The following SNRPG variants were observed in gnomAD, a reference collection of about 807,000 sequenced individuals.
The protein encoded by SNRPG is small nuclear ribonucleoprotein G.
In SNRPG, 3 loss-of-function variants were observed where a neutral mutation model predicts 13.9. The observed-to-expected ratio is 0.22, with a 90% confidence interval of 0.10 to 0.56. The LOEUF (loss-of-function observed/expected upper bound fraction) is 0.56, where lower values mean the gene tolerates loss of function less well. SNRPG is among the 20% of genes least tolerant of loss of function. The probability of loss-of-function intolerance (pLI) is 0.93; values close to 1 mark genes in which losing one functional copy is unlikely to be tolerated. For synonymous variants in SNRPG, 29 were observed against 29.3 expected, an observed-to-expected ratio of 0.99 and a Z score of 0.03; for missense variants, 34 against 96.1, an observed-to-expected ratio of 0.35 and a Z score of 2.70.
chr2:70,291,933 T>C (rs971580390), intron 1 of SNRPG, among the ~76,000 whole-genome samples: 4 of 151,282 alleles, frequency 2.6e-5, no homozygotes, highest in South Asian at 2.1e-4. Context: ...TCACAATAAT[T>C]TCTGAGTAAC....
In SNRPG at chr2:70,292,913, G is replaced by GTCC. The variant is rs1301259745; in HGVS notation, c.32+702_32+704dup. On this transcript the variant is annotated intron_variant, in intron 1 of 3. Transcript: ENST00000272348. ...TGAGGAATTCAAAGCTTTACGTTGA[G>GTCC]TCCTACCTAAAGTAAGGCTCTCCTA... 9.0e-6 allele frequency: 5 copies of GTCC among 553,654 alleles called. No individual in the cohort carries two copies. The East Asian group carries it at 1.2e-4, about 13-fold the overall frequency. 34.3% of individuals were successfully genotyped at this position (553,654 alleles called of 1,614,324 possible). A position where few individuals can be genotyped will look rare whatever the true frequency, so the allele number is the denominator to read the frequency against.
intron 3 of SNRPG, among the ~76,000 whole-genome samples, chr2:70,284,062 A>G (rs1696881073): frequency 6.6e-6 from 1 of 152,200 alleles, no homozygotes; most frequent in Non-Finnish European, 1.5e-5. Context: ...CTTATCTCAA[A>G]CCAACAACAA....
intron 3 of SNRPG, among the ~76,000 whole-genome samples, chr2:70,283,122 A>AAAAC (rs1241967786): frequency 0.016 from 1,326 of 82,814 alleles, 139 homozygotes; most frequent in African/African-American, 0.038. Flanking sequence ...AAAAAAAAAA[A>AAAAC]AACAACAAAC....
At chr2:70,292,931 C>T in intron 1 of SNRPG, 1 of 567,868 alleles carries the variant, frequency 1.8e-6, no homozygotes, top group East Asian at 2.8e-5. Flanking sequence ...TAAAGTAAGG[C>T]TCTCCTACTT....
intron 3 of SNRPG, among the ~76,000 whole-genome samples, chr2:70,285,243 C>T (rs917504248): frequency 5.9e-5 from 9 of 152,104 alleles, no homozygotes; most frequent in African/African-American, 1.2e-4. Flanking sequence ...ATGGTAAGGA[C>T]GAATCTTCTA....
At position 70,287,438 on chromosome 2, in the gene SNRPG, A is replaced by G. The variant is rs1420544682; in HGVS notation, c.180+630T>C. ...CTCTTCTTCAGCAATCACTAAAACT[A>G]CGGCCCAATGAATGTAGGAATGTTT... On this transcript the variant is annotated intron_variant, in intron 3 of 3. Coordinates refer to ENST00000272348, the MANE Select transcript of SNRPG (RefSeq NM_003096.4). 19 of 675,726 alleles carry G rather than the reference A, an allele frequency of 2.8e-5. No individual in the cohort carries two copies. In the East Asian group the frequency reaches 5.2e-4, roughly 19 times the overall value. The allele number at this position is 675,726 out of a possible 1,614,324, so 41.9% of individuals were successfully genotyped here.
At chr2:70,293,474 G>A in intron 1 of SNRPG, 144 bp downstream of exon 1, 2 of 801,864 alleles carry the variant, frequency 2.5e-6, no homozygotes, top group Non-Finnish European at 4.4e-6. Context: ...ATGCGCGGGA[G>A]CCTGGCCGGG....
chr2:70,284,153 A>G (rs965393351), intron 3 of SNRPG, among the ~76,000 whole-genome samples: 2 of 152,292 alleles, frequency 1.3e-5, no homozygotes, highest in South Asian at 4.1e-4. Flanking sequence ...CTAAGTTAAC[A>G]GAGCTCCCCT....
chr2:70,283,123 A>AC lies in SNRPG; in HGVS notation c.181-1440_181-1439insG, dbSNP rs1559041639. On this transcript the variant is annotated intron_variant, in intron 3 of 3. Coordinates refer to ENST00000272348, the MANE Select transcript of SNRPG (RefSeq NM_003096.4). ...AAAAAAAAAAAAAAAAAAAAAAAAA[A>AC]ACAACAAACCAAAACCAAAACAAAC... Among the ~76,000 whole-genome samples, 62 of 85,692 alleles carry AC rather than the reference A, an allele frequency of 7.2e-4. 2 individuals are homozygous for AC. Among genetic ancestry groups the AC allele is most frequent in the African/African-American group, 2.5e-3 (61 of 24,266 alleles). The allele number at this position is 85,692 out of a possible 152,430, so 56.2% of individuals were successfully genotyped here.
At chr2:70,282,933 AAAAAT>A (rs901926714) in intron 3 of SNRPG, among the ~76,000 whole-genome samples, 4 of 151,970 alleles carry the variant, frequency 2.6e-5, no homozygotes, top group African/African-American at 7.3e-5. Context: ...CATCTCTACT[AAAAAT>A]AAAAAATTAG....
intron 1 of SNRPG, 184 bp downstream of exon 1, chr2:70,293,434 C>G (rs1035158331): frequency 3.0e-6 from 2 of 677,646 alleles, no homozygotes; most frequent in Admixed American, 2.2e-5. Context: ...ACCACACCGA[C>G]GCGCGAGCTC....
chr2:70,284,370 A>T (rs2104911933), intron 3 of SNRPG, among the ~76,000 whole-genome samples: 1 of 152,184 alleles, frequency 6.6e-6, no homozygotes, highest in East Asian at 1.9e-4. Flanking sequence ...AGTTATCAGA[A>T]TTTTATTTTC....
At position 70,286,751 on chromosome 2, in the gene SNRPG, C is replaced by A. The variant is rs146451420; in HGVS notation, c.180+1317G>T. ...TAAAATTCCAATGAGCAGTGTGTTACATAATTCTCTAATCTTCTCAAAGCA... is the reference window on the plus strand; with the variant it reads ...TAAAATTCCAATGAGCAGTGTGTTAAATAATTCTCTAATCTTCTCAAAGCA... On this transcript the variant is annotated intron_variant, in intron 3 of 3. Coordinates refer to ENST00000272348, the MANE Select transcript of SNRPG (RefSeq NM_003096.4). 1.4e-4 allele frequency among the ~76,000 whole-genome samples: 22 copies of A among 152,328 alleles called. No individual in the cohort carries two copies. The East Asian group carries it at 4.0e-3, about 28-fold the overall frequency.
chr2:70,290,410 T>C (rs1697054824), intron 1 of SNRPG, among the ~76,000 whole-genome samples: 2 of 152,064 alleles, frequency 1.3e-5, no homozygotes, highest in South Asian at 2.1e-4. Context: ...TCAAACGATA[T>C]GAATTAAAAA....
At chr2:70,282,958 G>A (rs1696833538) in intron 3 of SNRPG, among the ~76,000 whole-genome samples, 1 of 151,718 alleles carries the variant, frequency 6.6e-6, no homozygotes, top group South Asian at 2.1e-4. Flanking sequence ...GCCGGGTGTG[G>A]TGGCACATGC....
chr2:70,287,725 A>G, intron 3 of SNRPG: 1 of 394,606 alleles, frequency 2.5e-6, no homozygotes. Context: ...TAGAATCTTC[A>G]TTTTAAGAAG....
At chr2:70,287,794 C>T (rs550742471) in intron 3 of SNRPG, 1 of 475,018 alleles carries the variant, frequency 2.1e-6, no homozygotes, top group Non-Finnish European at 3.8e-6. Context: ...AATGAAGGAC[C>T]AACTATGAGC....
rs1280759870 is a variant in SNRPG, at chr2:70,293,078, CAT to C, written c.32+538_32+539del. The C allele has an allele frequency of 2.7e-5, 19 of 701,424 alleles. No homozygotes were observed. In the East Asian group the frequency reaches 3.2e-4, roughly 12 times the overall value. The allele number at this position is 701,424 out of a possible 1,614,324, so 43.5% of individuals were successfully genotyped here. A position where few individuals can be genotyped will look rare whatever the true frequency, so the allele number is the denominator to read the frequency against. On this transcript the variant is annotated intron_variant, in intron 1 of 3. Coordinates refer to ENST00000272348, the MANE Select transcript of SNRPG (RefSeq NM_003096.4). ...GTTTCAACATCAGAGCAAGATAACA[CAT>C]GACATTCAAGCTTAACGTAAAAGAA... is the stretch of plus-strand genomic sequence containing the variant.
At chr2:70,293,134 T>C (rs996687192) in intron 1 of SNRPG, 16 of 702,226 alleles carry the variant, frequency 2.3e-5, no homozygotes, top group Non-Finnish European at 3.9e-5. Flanking sequence ...GGTTTCTAAG[T>C]AAAAGCTCAA....
Sources: gnomAD v4.1 joint callset for allele counts (sites outside exome capture counted in the v4.1 genomes callset) on GRCh38, gnomAD v4.1.1 for gene constraint, MANE v1.5 for transcripts, NCBI Gene and HGNC (gene_info 2026-07-23, HGNC 2026-07-21) for gene names.